The following LRFN2 variants were observed in gnomAD, a reference collection of about 807,000 sequenced individuals.
LRFN2 encodes the protein leucine rich repeat and fibronectin type III domain containing 2.
In LRFN2, 18 loss-of-function variants were observed where a neutral mutation model predicts 37.3. The ratio of observed to expected loss-of-function variants is 0.48; its 90% CI spans 0.33 to 0.72. The LOEUF is 0.72. LRFN2 is among the 30% of genes least tolerant of loss of function. The pLI, the probability that LRFN2 is intolerant of heterozygous loss-of-function variation, is 0.02. For synonymous variants in LRFN2, 556 were observed against 466.6 expected (o/e 1.19, Z -2.47); for missense variants, 1,006 against 1,060.7 (o/e 0.95, Z 0.72).
At chr6:40,510,623 G>A (rs1400982069) in intron 1 of LRFN2, among the ~76,000 whole-genome samples, 1 of 152,228 alleles carries the variant, frequency 6.6e-6, no homozygotes. Context: ...TGTGCCCCAG[G>A]GAGTTTACAT....
At chr6:40,468,516 G>A (rs752681516) in intron 1 of LRFN2, among the ~76,000 whole-genome samples, 2 of 152,166 alleles carry the variant, frequency 1.3e-5, no homozygotes, top group Admixed American at 6.5e-5. Context: ...TTTGTTTTGG[G>A]TGGTGGGATT....
At chr6:40,468,483 C>T (rs779497970) in intron 1 of LRFN2, among the ~76,000 whole-genome samples, 7 of 152,082 alleles carry the variant, frequency 4.6e-5, no homozygotes, top group Non-Finnish European at 7.3e-5. Flanking sequence ...GAACTGGGCT[C>T]AGATGTAGGT....
intron 1 of LRFN2, among the ~76,000 whole-genome samples, chr6:40,518,872 G>A (rs529643444): frequency 6.6e-6 from 1 of 152,278 alleles, no homozygotes; most frequent in Non-Finnish European, 1.5e-5. Flanking sequence ...AGGGGAGCAG[G>A]CTCAGAAGCA....
intron 2 of LRFN2, among the ~76,000 whole-genome samples, chr6:40,396,586 A>G (rs17619780): frequency 0.26 from 40,151 of 152,064 alleles, 5,719 homozygotes; most frequent in Admixed American, 0.39. Flanking sequence ...GGTCTGGAAC[A>G]GTTTTGCACT....
rs535723724 is a variant in LRFN2 at position 40,443,289 on chromosome 6, C to T, written c.-18-10158G>A. Among the ~76,000 whole-genome samples the T allele has an allele frequency of 3.6e-4, 55 of 152,214 alleles. No individual in the cohort carries two copies. In the South Asian group the frequency reaches 7.9e-3, roughly 22 times the overall value. On this transcript the variant is annotated intron_variant, in intron 1 of 2. Coordinates refer to ENST00000338305, the MANE Select transcript of LRFN2 (RefSeq NM_020737.3). The stretch of plus-strand genomic sequence containing the variant: ...TGACTACCTTTACTGTTTTTGAGCC[C>T]CCACAGATTATTTCAGTAAACATAA...
intron 1 of LRFN2, among the ~76,000 whole-genome samples, chr6:40,521,981 CAAGGATT>C (rs894023934): frequency 2.6e-5 from 4 of 152,148 alleles, no homozygotes; most frequent in Non-Finnish European, 5.9e-5. Flanking sequence ...AAGAGTTTCT[CAAGGATT>C]AAGGCCATGC....
rs1450171489 is a variant in LRFN2, at chr6:40,529,154, T to G, written c.-19+57787A>C. On this transcript the variant is annotated intron_variant, in intron 1 of 2. Transcript: ENST00000338305. ...CAAGCCTAAGCTCGGGAGGAAATAATTTGAGGTATCTGGAAGAAGCAGAGA... is the reference window on the plus strand; with the variant it reads ...CAAGCCTAAGCTCGGGAGGAAATAAGTTGAGGTATCTGGAAGAAGCAGAGA... Among the ~76,000 whole-genome samples the G allele has an allele frequency of 2.6e-5, 4 of 152,052 alleles. No homozygotes were observed. The East Asian group carries it at 7.7e-4, about 29-fold the overall frequency.
At position 40,483,741 on chromosome 6, in the gene LRFN2, G is replaced by A. The variant is rs147240539; in HGVS notation, c.-18-50610C>T. ...AAGGGGGAAGGAAGATTACCTGGCA[G>A]CTTCCAGACGGAAGCAGGTCTTCCT... On this transcript the variant is annotated intron_variant, in intron 1 of 2. Coordinates refer to ENST00000338305, the MANE Select transcript of LRFN2 (RefSeq NM_020737.3). 2.4e-3 allele frequency among the ~76,000 whole-genome samples: 359 copies of A among 152,306 alleles called. 2 individuals carry two copies. Among genetic ancestry groups the A allele is most frequent in the African/African-American group, 7.6e-3 (317 of 41,556 alleles).
At chr6:40,397,576 T>C (rs897465719) in intron 2 of LRFN2, among the ~76,000 whole-genome samples, 2 of 152,196 alleles carry the variant, frequency 1.3e-5, no homozygotes, top group African/African-American at 4.8e-5. Flanking sequence ...CACATTGTTG[T>C]CCTTCTACCC....
At chr6:40,523,548 A>G (rs1435121715) in intron 1 of LRFN2, among the ~76,000 whole-genome samples, 4 of 128,510 alleles carry the variant, frequency 3.1e-5, no homozygotes, top group Non-Finnish European at 4.8e-5. Flanking sequence ...CGATAGCCCT[A>G]TGAAGAAGGC....
At chr6:40,535,478 G>C (rs539733104) in intron 1 of LRFN2, among the ~76,000 whole-genome samples, 79 of 152,288 alleles carry the variant, frequency 5.2e-4, no homozygotes, top group Non-Finnish European at 8.7e-4. Flanking sequence ...GTGTTCCTTG[G>C]GGGTGGTTGG....
chr6:40,573,220 C>T (rs1398175026), intron 1 of LRFN2, among the ~76,000 whole-genome samples: 1 of 152,170 alleles, frequency 6.6e-6, no homozygotes, highest in South Asian at 2.1e-4. Flanking sequence ...TTAAAAGTAC[C>T]TGCCCTGACT....
At chr6:40,584,519 T>C (rs764921136) in intron 1 of LRFN2, among the ~76,000 whole-genome samples, 2 of 152,120 alleles carry the variant, frequency 1.3e-5, no homozygotes, top group Non-Finnish European at 2.9e-5. Context: ...TTGTTCAGAG[T>C]CCAATTCCAC....
intron 1 of LRFN2, among the ~76,000 whole-genome samples, chr6:40,563,029 A>AT (rs1266237340): frequency 2.6e-5 from 4 of 152,064 alleles, no homozygotes; most frequent in Non-Finnish European, 2.9e-5. Flanking sequence ...CCTGAGAGCT[A>AT]TGTTCAAGAT....
chr6:40,547,230 G>A (rs541283318), intron 1 of LRFN2, among the ~76,000 whole-genome samples: 15 of 151,312 alleles, frequency 9.9e-5, no homozygotes, highest in East Asian at 3.9e-4. Context: ...TCAGCCTCCC[G>A]AGTAGCTGGG....
chr6:40,510,926 A>G (rs561616645), intron 1 of LRFN2, among the ~76,000 whole-genome samples: 54 of 152,184 alleles, frequency 3.5e-4, no homozygotes, highest in Non-Finnish European at 6.8e-4. Context: ...GGGTGGGGGC[A>G]CTAGAGATAG....
chr6:40,467,872 G>A lies in LRFN2; in HGVS notation c.-18-34741C>T, dbSNP rs79723186. 1.7e-3 allele frequency among the ~76,000 whole-genome samples: 258 copies of A among 152,234 alleles called. 1 individual carries two copies. The highest frequency in any genetic ancestry group is 5.8e-3 in the African/African-American group (242 of 41,520). ...TAGGGTGCTCCAATCAGACAGAGGAGCCAAATATGACTTCCTGTGTCTCCT... is the reference window on the plus strand; with the variant it reads ...TAGGGTGCTCCAATCAGACAGAGGAACCAAATATGACTTCCTGTGTCTCCT... On this transcript the variant is annotated intron_variant, in intron 1 of 2. Coordinates refer to ENST00000338305, the MANE Select transcript of LRFN2 (RefSeq NM_020737.3).
chr6:40,563,142 G>C (rs1022635822), intron 1 of LRFN2, among the ~76,000 whole-genome samples: 6 of 152,118 alleles, frequency 3.9e-5, no homozygotes, highest in Non-Finnish European at 8.8e-5. Flanking sequence ...TGCATGTGTA[G>C]AGACCCCTCC....
intron 2 of LRFN2, among the ~76,000 whole-genome samples, chr6:40,426,851 A>G (rs1325552640): frequency 6.6e-6 from 1 of 152,168 alleles, no homozygotes; most frequent in Non-Finnish European, 1.5e-5. Context: ...GTGCCATCCC[A>G]GATTAAACAT....
Sources: allele counts gnomAD v4.1 joint callset (sites outside exome capture counted in the v4.1 genomes callset), GRCh38; gene constraint gnomAD v4.1.1; transcripts MANE v1.5; gene names NCBI Gene and HGNC (gene_info 2026-07-23, HGNC 2026-07-21).